Variants in CPS1 observed in about 807,000 individuals in gnomAD.
CPS1 encodes carbamoyl-phosphate synthase 1.
In CPS1, 109 loss-of-function variants were observed where a neutral mutation model predicts 174.6. The observed-to-expected ratio is 0.62, with a 90% confidence interval of 0.53 to 0.73. The LOEUF is 0.73. Among genes scored for constraint, CPS1 ranks in the 30% least tolerant of loss-of-function variants. The pLI is 0.00. For synonymous variants in CPS1, 637 were observed against 632.0 expected (o/e 1.01, Z -0.12); for missense variants, 1,689 against 1,821.9 (o/e 0.93, Z 1.33).
At position 210,616,403 on chromosome 2, in the gene CPS1, A is replaced by G. The variant is rs1175073146; in HGVS notation, c.2569-20A>G. On this transcript the variant is annotated intron_variant, in intron 20 of 37. Transcript: ENST00000233072. The stretch of plus-strand genomic sequence containing the variant: ...TAGAAAAATGTTTGCCAAAGAAAGT[A>G]TCTCTTCTCCTCTTGGCAGGCCATT... The G allele has an allele frequency of 1.3e-6, 2 of 1,517,290 alleles. No homozygotes were observed. Among genetic ancestry groups the G allele is most frequent in the Admixed American group, 1.7e-5 (1 of 59,742 alleles). The allele number at this position is 1,517,290 out of a possible 1,614,324, so 94.0% of individuals were successfully genotyped here. A position where few individuals can be genotyped will look rare whatever the true frequency, so the allele number is the denominator to read the frequency against.
At chr2:210,485,284 G>C (rs1374772649) in intron 1 of CPS1, among the ~76,000 whole-genome samples, 2 of 151,256 alleles carry the variant, frequency 1.3e-5, no homozygotes, top group African/African-American at 4.9e-5. Context: ...AGACATAATG[G>C]ACATAAGTAA....
intron 1 of CPS1, among the ~76,000 whole-genome samples, chr2:210,477,944 C>A (rs1694443956): frequency 6.6e-6 from 1 of 152,204 alleles, no homozygotes; most frequent in African/African-American, 2.4e-5. Context: ...TGTTGTTAAG[C>A]AAGGCAGGAT....
intron 10 of CPS1, among the ~76,000 whole-genome samples, chr2:210,592,340 A>T (rs146774624): frequency 1.3e-5 from 2 of 152,086 alleles, no homozygotes; most frequent in East Asian, 3.9e-4. Context: ...TGTGTTTTAA[A>T]ACGTCATTTC....
intron 29 of CPS1, among the ~76,000 whole-genome samples, chr2:210,655,157 C>T (rs2105916174): frequency 6.6e-6 from 1 of 152,190 alleles, no homozygotes; most frequent in Non-Finnish European, 1.5e-5. Flanking sequence ...TTCTGAGTTT[C>T]AGAGCAAAAA....
At chr2:210,667,984 A>C (rs1180743135) in intron 33 of CPS1, among the ~76,000 whole-genome samples, 1 of 152,072 alleles carries the variant, frequency 6.6e-6, no homozygotes, top group African/African-American at 2.4e-5. Flanking sequence ...CCAGCCTTTT[A>C]ATCCCTGGAT....
At chr2:210,502,406 A>G (rs986811447) in intron 1 of CPS1, among the ~76,000 whole-genome samples, 27 of 146,330 alleles carry the variant, frequency 1.8e-4, no homozygotes, top group Admixed American at 1.4e-3. Flanking sequence ...TATATTTTAT[A>G]TATATATAAT....
chr2:210,646,678 C>G (rs1204651381), intron 25 of CPS1, among the ~76,000 whole-genome samples: 2 of 152,084 alleles, frequency 1.3e-5, no homozygotes, highest in Non-Finnish European at 2.9e-5. Flanking sequence ...TATTTATACA[C>G]TTACGGTATA....
At chr2:210,656,688 C>A in intron 30 of CPS1, 56 bp downstream of exon 30, 1 of 1,251,640 alleles carries the variant, frequency 8.0e-7, no homozygotes, top group Non-Finnish European at 1.1e-6. Flanking sequence ...AAAAAAACAC[C>A]TAAGGTTTTT....
Position 210,656,588 on chromosome 2 carries a change from C to T in CPS1, c.3622C>T (p.Leu1208=), listed in dbSNP as rs755531304. ...AGGTGTCCACTCGGGAGATGCCACTCTGATGCTGCCCACACAAACCATCAG... is the reference window on the plus strand; with the variant it reads ...AGGTGTCCACTCGGGAGATGCCACTTTGATGCTGCCCACACAAACCATCAG... ...DAGVHSGDAT[L]MLPTQTISQG... is the part of the protein sequence containing the mutation. The change falls in exon 30 of 38, where the codon CTG becomes TTG. Residue 1208 remains leucine, a synonymous_variant. Coordinates refer to ENST00000233072, the MANE Select transcript of CPS1 (RefSeq NM_001875.5). 9.9e-6 allele frequency: 16 copies of T among 1,609,640 alleles called. No individual in the cohort carries two copies. The highest frequency in any genetic ancestry group is 1.3e-5 in the Non-Finnish European group (15 of 1,179,556).
chr2:210,669,953 G>C (rs905615806), intron 34 of CPS1, among the ~76,000 whole-genome samples: 1 of 152,112 alleles, frequency 6.6e-6, no homozygotes, highest in East Asian at 1.9e-4. Flanking sequence ...TTCTAGTGCT[G>C]CAGGGAAATG....
At chr2:210,509,670 A>G (rs1405947053) in intron 1 of CPS1, among the ~76,000 whole-genome samples, 4 of 152,174 alleles carry the variant, frequency 2.6e-5, no homozygotes, top group Admixed American at 6.5e-5. Context: ...CTGATAGGCA[A>G]CTTCAGCAAA....
chr2:210,575,570 C>T (rs1574542915), intron 2 of CPS1, among the ~76,000 whole-genome samples: 2 of 151,724 alleles, frequency 1.3e-5, no homozygotes. Flanking sequence ...TCCTCTCACC[C>T]AAACTTAAAA....
At chr2:210,512,186 G>T (rs542188007) in intron 1 of CPS1, among the ~76,000 whole-genome samples, 7 of 152,050 alleles carry the variant, frequency 4.6e-5, no homozygotes, top group African/African-American at 1.7e-4. Flanking sequence ...ATTTACTTAT[G>T]TTTTTCTTTT....
Position 210,677,034 on chromosome 2 carries a change from A to T in CPS1, c.4302A>T (p.Leu1434=). 1 of 1,613,712 alleles carries T rather than the reference A, an allele frequency of 6.2e-7. No homozygotes were observed. Among genetic ancestry groups the T allele is most frequent in the Non-Finnish European group, 8.5e-7 (1 of 1,179,636 alleles). ...RKLIRDGSID[L]VINLPNNNTK... ...TGATTAGAGATGGCAGCATTGACCT[A>T]GTGATTAACCTTCCCAACAACAACA... is the stretch of plus-strand genomic sequence containing the variant. Residue 1434 remains leucine, a synonymous_variant, in exon 37 of 38, where the codon CTA becomes CTT. Transcript: ENST00000233072.
At chr2:210,507,452 G>A (rs972146591) in intron 1 of CPS1, among the ~76,000 whole-genome samples, 1 of 152,158 alleles carries the variant, frequency 6.6e-6, no homozygotes, top group African/African-American at 2.4e-5. Context: ...AGCGAGGCTA[G>A]GAAGAAAGTG....
chr2:210,675,786 C>T lies in CPS1; in HGVS notation c.4220C>T (p.Pro1407Leu), dbSNP rs1390873960. The change falls in exon 36 of 38, where the codon CCA (proline) becomes CTA (leucine). Residue 1407 changes from proline to leucine, a missense_variant. Pro to Leu is a moderately conservative substitution (Grantham distance 98). Transcript: ENST00000233072. ...AACGCCAACAATGTCCCTGCCACCCCAGTGGCATGGCCGTCTCAAGAAGGA... is the reference window on the plus strand; with the variant it reads ...AACGCCAACAATGTCCCTGCCACCCTAGTGGCATGGCCGTCTCAAGAAGGA... ...WLNANNVPAT[P>L]VAWPSQEGQN... 2 of 1,605,516 alleles carry T rather than the reference C, an allele frequency of 1.2e-6. No homozygotes were observed. Among genetic ancestry groups the T allele is most frequent in the African/African-American group, 1.3e-5 (1 of 74,756 alleles).
chr2:210,632,280 T>A (rs1266695571), intron 21 of CPS1, among the ~76,000 whole-genome samples: 4 of 152,210 alleles, frequency 2.6e-5, no homozygotes, highest in African/African-American at 9.7e-5. Context: ...ATGAGGAACA[T>A]CTATCTGAGT....
chr2:210,493,178 C>A (rs554235706), intron 1 of CPS1, among the ~76,000 whole-genome samples: 73 of 152,188 alleles, frequency 4.8e-4, no homozygotes, highest in Middle Eastern at 3.4e-3. Context: ...TCCCTGGACT[C>A]CTCTCTGTGG....
intron 1 of CPS1, among the ~76,000 whole-genome samples, chr2:210,493,936 A>G (rs1028478111): frequency 2.0e-5 from 3 of 152,196 alleles, no homozygotes; most frequent in African/African-American, 7.2e-5. Flanking sequence ...AAACTGGTAC[A>G]CAGACTATTT....
Sources: gnomAD v4.1 joint callset for allele counts (sites outside exome capture counted in the v4.1 genomes callset) on GRCh38, gnomAD v4.1.1 for gene constraint, MANE v1.5 for transcripts, NCBI Gene and HGNC (gene_info 2026-07-23, HGNC 2026-07-21) for gene names.